TSC2: variants seen among roughly 807,000 people sequenced by gnomAD.
The protein encoded by TSC2 is tuberin.
In TSC2, 29 loss-of-function variants were observed where a neutral mutation model predicts 202.2. That is an observed-to-expected ratio of 0.14 (90% CI 0.11 to 0.20). The LOEUF (loss-of-function observed/expected upper bound fraction) is 0.20, where lower values mean the gene tolerates loss of function less well. Ranked by LOEUF, TSC2 falls within the 10% of genes least tolerant of loss-of-function variation. The pLI, the probability that TSC2 is intolerant of heterozygous loss-of-function variation, is 1.00. For missense variants in TSC2, 2,429 were observed against 2,420.0 expected (o/e 1.00, Z -0.08); for synonymous variants, 1,349 against 1,044.0 (o/e 1.29, Z -5.63).
intron 24 of TSC2, 29 bp from the exon 25 acceptor site, chr16:2,076,462 T>G (rs1268978523): frequency 1.2e-6 from 2 of 1,612,476 alleles, no homozygotes; most frequent in Non-Finnish European, 1.7e-6. Flanking sequence ...TTGCCACCCC[T>G]CACTGTCTGG....
At position 2,072,950 on chromosome 16, in the gene TSC2, C is replaced by T. The variant is rs760885994; in HGVS notation, c.2322C>T (p.Ile774=). Residue 774 remains isoleucine (I), a synonymous_variant, in exon 21 of 42, where the codon ATC becomes ATT. Transcript: ENST00000219476. ...TGGTTCCAGTGCTGACAGCATTAATCTCTTACCATAACTACCTGGACAAAA... is the reference window on the plus strand; with the variant it reads ...TGGTTCCAGTGCTGACAGCATTAATTTCTTACCATAACTACCTGGACAAAA... The part of the protein sequence containing the change: ...LAVVPVLTAL[I]SYHNYLDKTK... 8.1e-6 allele frequency: 13 copies of T among 1,613,498 alleles called. No homozygotes were observed. The highest frequency in any genetic ancestry group is 3.3e-5 in the Admixed American group (2 of 60,008).
Position 2,086,392 on chromosome 16 carries a change from G to T in TSC2, c.4849+13G>T. On this transcript the variant is annotated intron_variant, in intron 37 of 41. Transcript: ENST00000219476. ...GACATCATGCAAGGTACGGCCTGGC[G>T]CCTACCCGCTCCTGCTGCCCCAGGC... The T allele has an allele frequency of 6.2e-7, 1 of 1,610,456 alleles. No homozygotes were observed. Among genetic ancestry groups the T allele is most frequent in the South Asian group, 1.1e-5 (1 of 90,772 alleles).
intron 1 of TSC2, 131 bp downstream of exon 1, chr16:2,048,196 T>A: frequency 3.3e-6 from 5 of 1,532,264 alleles, no homozygotes; most frequent in Non-Finnish European, 4.4e-6. Flanking sequence ...GCTCCGAGCA[T>A]CCCTTAGTTT....
rs192729507 is a variant in TSC2 at position 2,080,633 on chromosome 16, G to A, written c.3610+256G>A. 1.0e-3 allele frequency: 509 copies of A among 502,798 alleles called. 1 individual carries two copies. The highest frequency in any genetic ancestry group is 6.2e-3 in the African/African-American group (324 of 51,886). 31.1% of individuals were successfully genotyped at this position (502,798 alleles called of 1,614,324 possible). ...CGAGTAGCTGGGACCACAGGCGCCC[G>A]CCACCACGCCTGGCCAATTTTTTTG... On this transcript the variant is annotated intron_variant, in intron 30 of 41. Coordinates refer to ENST00000219476, the MANE Select transcript of TSC2 (RefSeq NM_000548.5).
chr16:2,082,140 C>G (rs1306876815), intron 31 of TSC2: 3 of 591,116 alleles, frequency 5.1e-6, no homozygotes, highest in East Asian at 2.8e-5. Context: ...AGCCCGCCTG[C>G]GCACTCTGGG....
At position 2,088,901 on chromosome 16, in the gene TSC2, T is replaced by A; in HGVS notation, c.*291T>A. On this transcript the variant is annotated 3_prime_UTR_variant, in exon 42 of 42. Transcript: ENST00000219476. Reference sequence around the variant, plus strand: ...CGCGCGCACACACACACACACACAGTCACCTTCCTCCACCCTGGGAGCCAG... The same window carrying A: ...CGCGCGCACACACACACACACACAGACACCTTCCTCCACCCTGGGAGCCAG... 1 of 379,086 alleles carries A rather than the reference T, an allele frequency of 2.6e-6. No individual in the cohort carries two copies. Among genetic ancestry groups the A allele is most frequent in the South Asian group, 2.9e-5 (1 of 35,016 alleles). 23.5% of individuals were successfully genotyped at this position (379,086 alleles called of 1,614,324 possible). A position where few individuals can be genotyped will look rare whatever the true frequency, so the allele number is the denominator to read the frequency against.
intron 25 of TSC2, 89 bp downstream of exon 25, chr16:2,076,674 G>A: frequency 7.5e-7 from 1 of 1,338,852 alleles, no homozygotes; most frequent in South Asian, 1.2e-5. Flanking sequence ...CCAAGTCAGT[G>A]AGTGGAAATG....
At position 2,079,566 on chromosome 16, in the gene TSC2, C is replaced by A; in HGVS notation, c.3294C>A (p.Pro1098=). Residue 1098 remains proline (P), a synonymous_variant, in exon 29 of 42, where the codon CCC becomes CCA. Transcript: ENST00000219476. The surrounding 1 kb of genome is among the most constrained non-coding windows in gnomAD (Gnocchi z 4.6). ...LQSGPESSSS[P]GVHVRQTKEA... ...GGGATTCTCTTCTCAGCTCCAGCCC[C>A]GGGGTGCATGTGAGACAGACCAAGG... 1 of 1,610,594 alleles carries A rather than the reference C, an allele frequency of 6.2e-7. No individual in the cohort carries two copies. The highest frequency in any genetic ancestry group is 8.5e-7 in the Non-Finnish European group (1 of 1,179,100).
Position 2,070,504 on chromosome 16 carries a change from A to G in TSC2, c.1765A>G (p.Met589Val), listed in dbSNP as rs1567457356. 3.7e-6 allele frequency: 6 copies of G among 1,613,412 alleles called. No individual in the cohort carries two copies. The highest frequency in any genetic ancestry group is 5.1e-6 in the Non-Finnish European group (6 of 1,180,032). Residue 589 changes from methionine (M) to valine (V), a missense_variant, in exon 17 of 42, where the codon ATG becomes GTG. By Grantham distance (21) the Met-to-Val change is conservative (BLOSUM62 1). Transcript: ENST00000219476. ...PASHATRVYE[M>V]LVSHIQLHYK... ...AAGCCACGCCACGCGTGTGTATGAG[A>G]TGCTGGTCAGCCACATTCAGCTCCA...
Position 2,088,872 on chromosome 16 carries a change from T to TGCGCGCGC in TSC2, c.*265_*272dup. ...CTGGGCCATACAGCACACTCGCGCG[T>TGCGCGCGC]GCGCGCGCGCACACACACACACACA... On this transcript the variant is annotated 3_prime_UTR_variant, in exon 42 of 42. Transcript: ENST00000219476. The TGCGCGCGC allele has an allele frequency of 2.0e-6, 1 of 500,476 alleles. No homozygotes were observed. The highest frequency in any genetic ancestry group is 2.1e-5 in the African/African-American group (1 of 47,672). 31.0% of individuals were successfully genotyped at this position (500,476 alleles called of 1,614,324 possible).
Position 2,079,510 on chromosome 16 carries a change from CCAGCCT to C in TSC2, c.3285-46_3285-41del. Reference sequence around the variant, plus strand: ...CCCAGGCCCACGTGGCACCCTCGTACCAGCCTGGGGACTAAGTCCACCCTGTGCGTG... The same window carrying C: ...CCCAGGCCCACGTGGCACCCTCGTACGGGGACTAAGTCCACCCTGTGCGTG... On this transcript the variant is annotated intron_variant, in intron 28 of 41. Coordinates refer to ENST00000219476, the MANE Select transcript of TSC2 (RefSeq NM_000548.5). The surrounding 1 kb of genome is among the most constrained non-coding windows in gnomAD (Gnocchi z 4.6). The C allele has an allele frequency of 2.5e-6, 4 of 1,606,050 alleles. No homozygotes were observed. The highest frequency in any genetic ancestry group is 3.4e-6 in the Non-Finnish European group (4 of 1,176,884).
At chr16:2,087,727 C>T (rs1022327797) in intron 38 of TSC2, 136 bp from the exon 39 acceptor site, 4 of 1,128,080 alleles carry the variant, frequency 3.5e-6, no homozygotes, top group Non-Finnish European at 5.2e-6. Context: ...CACAGCCCCG[C>T]TGCCAGAGGG....
chr16:2,058,686 C>G, intron 9 of TSC2, 61 bp from the exon 10 acceptor site: 1 of 1,548,258 alleles, frequency 6.5e-7, no homozygotes, highest in East Asian at 2.4e-5. Context: ...CCTCACACAT[C>G]CATGGCGGAC....
chr16:2,082,202 T>C, intron 31 of TSC2: 1 of 606,452 alleles, frequency 1.6e-6, no homozygotes, highest in South Asian at 1.9e-5. Flanking sequence ...GGCTCTTCCC[T>C]GTGGCTGCAG....
rs2086263114 is a variant in TSC2 at position 2,058,958 on chromosome 16, C to G, written c.975+85C>G. On this transcript the variant is annotated intron_variant, in intron 10 of 41. Transcript: ENST00000219476. ...CCCACCCATCCCACTGGGGGTCCTGCTGCGGGGGCTGCGGTGGCATTTCTA... is the reference window on the plus strand; with the variant it reads ...CCCACCCATCCCACTGGGGGTCCTGGTGCGGGGGCTGCGGTGGCATTTCTA... The G allele has an allele frequency of 5.8e-6, 9 of 1,549,150 alleles. No individual in the cohort carries two copies. In the African/African-American group the frequency reaches 8.1e-5, roughly 14 times the overall value.
Position 2,088,525 on chromosome 16 carries a change from C to T in TSC2, c.5339C>T (p.Thr1780Ile), listed in dbSNP as rs778395191. ...PPSHSKAPAQTPAEPTPGYEV... is the reference protein window; with the variant it reads ...PPSHSKAPAQIPAEPTPGYEV... ...TCCCATAGCAAAGCCCCTGCACAGA[C>T]TCCAGCCGAGCCCACACCTGGCTAT... Residue 1780 changes from threonine (T) to isoleucine (I), a missense_variant, in exon 42 of 42, where the codon ACT (threonine) becomes ATT (isoleucine). By Grantham distance (89) the Thr-to-Ile change is moderately conservative (BLOSUM62 -1). Coordinates refer to ENST00000219476, the MANE Select transcript of TSC2 (RefSeq NM_000548.5). The T allele has an allele frequency of 1.1e-5, 17 of 1,612,434 alleles. No homozygotes were observed. In the Admixed American group the frequency reaches 2.0e-4, roughly 19 times the overall value.
chr16:2,072,199 A>G (rs373444116), intron 19 of TSC2, 42 bp from the exon 20 acceptor site: 2 of 1,612,762 alleles, frequency 1.2e-6, no homozygotes, highest in Non-Finnish European at 1.7e-6. Flanking sequence ...CTCTGTCTCT[A>G]GGGTCCAGAA....
chr16:2,072,128 G>A (rs866787583), intron 19 of TSC2, 113 bp from the exon 20 acceptor site: 2 of 1,582,732 alleles, frequency 1.3e-6, no homozygotes, highest in South Asian at 2.2e-5. Context: ...GCTGAGAACA[G>A]GGCTCCATAG....
chr16:2,064,581 G>C (rs1294257434), intron 15 of TSC2, 154 bp downstream of exon 15: 6 of 1,127,688 alleles, frequency 5.3e-6, no homozygotes, highest in Non-Finnish European at 7.7e-6. Flanking sequence ...CCCGAGGCCT[G>C]TGCAGGGCCT....
Sources: allele counts gnomAD v4.1 joint callset, GRCh38; gene constraint gnomAD v4.1.1; non-coding constraint Gnocchi (gnomAD v3.1); transcripts MANE v1.5; gene names NCBI Gene and HGNC (gene_info 2026-07-23, HGNC 2026-07-21).